The following USP13 variants were observed in gnomAD, a reference collection of about 807,000 sequenced individuals.
USP13 encodes ubiquitin specific peptidase 13.
In USP13, 68 loss-of-function variants were observed where a neutral mutation model predicts 107.8. That is an observed-to-expected ratio of 0.63 (90% confidence interval 0.52 to 0.77). The LOEUF is 0.77. Ranked by LOEUF, USP13 falls within the 30% of genes least tolerant of loss-of-function variation. The pLI, the probability that USP13 is intolerant of heterozygous loss-of-function variation, is 0.00. For missense variants in USP13, 945 were observed against 1,093.3 expected, an observed-to-expected ratio of 0.86 and a Z score of 1.91; for synonymous variants, 377 against 389.5, an observed-to-expected ratio of 0.97 and a Z score of 0.38.
At chr3:179,761,643 A>G (rs964513117) in intron 17 of USP13, among the ~76,000 whole-genome samples, 4 of 152,126 alleles carry the variant, frequency 2.6e-5, no homozygotes, top group African/African-American at 9.7e-5. Context: ...AATCGCTTGA[A>G]CGCAGGAGGC....
At chr3:179,688,173 C>T (rs910152206) in intron 2 of USP13, among the ~76,000 whole-genome samples, 11 of 136,456 alleles carry the variant, frequency 8.1e-5, no homozygotes, top group African/African-American at 2.8e-4. Flanking sequence ...ATCCGTATAT[C>T]CATCCATCCA....
Position 179,653,923 on chromosome 3 carries a change from C to T in USP13, c.168+530C>T, listed in dbSNP as rs1720172611. Among the ~76,000 whole-genome samples, 1 of 152,126 alleles carries T rather than the reference C, an allele frequency of 6.6e-6. No homozygotes were observed. Among genetic ancestry groups the T allele is most frequent in the African/African-American group, 2.4e-5 (1 of 41,450 alleles). ...ACTCCTTTTCTTGTCTTTAGAATGT[C>T]AGGGCCAGGCGCGGTGGCTCACGTC... On this transcript the variant is annotated intron_variant, in intron 1 of 20. Coordinates refer to ENST00000263966, the MANE Select transcript of USP13 (RefSeq NM_003940.3). This position sits in a 1 kb window ranked among gnomAD's most constrained non-coding sequence, Gnocchi z 4.0.
rs1714249827 is a variant in USP13, at chr3:179,742,788, A to C, written c.1534+438A>C. 6.6e-6 allele frequency among the ~76,000 whole-genome samples: 1 copy of C among 152,154 alleles called. No individual in the cohort carries two copies. Among genetic ancestry groups the C allele is most frequent in the South Asian group, 2.1e-4 (1 of 4,822 alleles). On this transcript the variant is annotated intron_variant, in intron 12 of 20. Transcript: ENST00000263966. This position sits in a 1 kb window ranked among gnomAD's most constrained non-coding sequence, Gnocchi z 5.0. Reference sequence around the variant, plus strand: ...AATAATCCAGCTTTGGCACATGAGTATTTGAGCCACCTCTTCTGGGAGATA... The same window carrying C: ...AATAATCCAGCTTTGGCACATGAGTCTTTGAGCCACCTCTTCTGGGAGATA...
chr3:179,656,228 C>T (rs1240493362), intron 1 of USP13, among the ~76,000 whole-genome samples: 4 of 152,184 alleles, frequency 2.6e-5, no homozygotes, highest in African/African-American at 9.7e-5. Context: ...ATACATTTGG[C>T]AAGTAGCAAG....
chr3:179,715,657 C>T (rs1713088807), intron 6 of USP13, among the ~76,000 whole-genome samples: 1 of 152,060 alleles, frequency 6.6e-6, no homozygotes, highest in Non-Finnish European at 1.5e-5. Context: ...GCCACTGTGC[C>T]CGGCCTTGTG....
chr3:179,676,099 T>C (rs1720885045), intron 1 of USP13, among the ~76,000 whole-genome samples: 1 of 152,068 alleles, frequency 6.6e-6, no homozygotes, highest in Admixed American at 6.6e-5. Context: ...ATAAGGAGCT[T>C]TTCCCCCTTT....
chr3:179,788,975 T>C lies in USP13; in HGVS notation c.*4834T>C, dbSNP rs1715985646. 6.6e-6 allele frequency: 1 copy of C among 152,166 alleles called. No homozygotes were observed. Among genetic ancestry groups the C allele is most frequent in the South Asian group, 2.1e-4 (1 of 4,826 alleles). 9.4% of individuals were successfully genotyped at this position (152,166 alleles called of 1,614,324 possible). ...AAAAGCAAATGAGCCCCAAACTGCC[T>C]GTCTTCAGCTTTGCCTGGGAGCTGC... On this transcript the variant is annotated 3_prime_UTR_variant, in exon 21 of 21. Coordinates refer to ENST00000263966, the MANE Select transcript of USP13 (RefSeq NM_003940.3).
intron 6 of USP13, among the ~76,000 whole-genome samples, chr3:179,715,184 G>A (rs535296776): frequency 2.1e-4 from 31 of 147,164 alleles, no homozygotes; most frequent in African/African-American, 7.6e-4. Context: ...GCCTGGTCCT[G>A]TTCTCTCTCT....
At chr3:179,783,950 A>G in intron 20 of USP13, 98 bp from the exon 21 acceptor site, 1 of 923,318 alleles carries the variant, frequency 1.1e-6, no homozygotes, top group Non-Finnish European at 1.7e-6. Context: ...TTAAAACATC[A>G]TGGTTAAGTG....
chr3:179,755,890 A>G (rs1408997250), intron 15 of USP13, among the ~76,000 whole-genome samples: 2 of 152,220 alleles, frequency 1.3e-5, no homozygotes, highest in African/African-American at 4.8e-5. Flanking sequence ...AGAAGGAGCA[A>G]GATAGGATTC....
At chr3:179,687,010 G>A (rs1471639830) in intron 2 of USP13, among the ~76,000 whole-genome samples, 1 of 152,162 alleles carries the variant, frequency 6.6e-6, no homozygotes. Context: ...TTCCTCAGAA[G>A]GATACTTTTC....
rs1048178632 is a variant in USP13 at position 179,675,601 on chromosome 3, G to A, written c.169-6277G>A. Among the ~76,000 whole-genome samples, 17 of 151,746 alleles carry A rather than the reference G, an allele frequency of 1.1e-4. 1 individual carries two copies. The highest frequency in any genetic ancestry group is 2.9e-5 in the Non-Finnish European group (2 of 67,968). On this transcript the variant is annotated intron_variant, in intron 1 of 20. Transcript: ENST00000263966. ...CTCGCTCTGTTGCCCAAGCTGGAGT[G>A]CAGTGGCATGATCTCAGCTCACTGC...
chr3:179,681,444 G>A (rs184659641), intron 1 of USP13, among the ~76,000 whole-genome samples: 12 of 152,236 alleles, frequency 7.9e-5, no homozygotes, highest in African/African-American at 2.9e-4. Flanking sequence ...AAAAGTAATT[G>A]GTTACAAATG....
chr3:179,777,096 G>A (rs932838691), intron 19 of USP13, among the ~76,000 whole-genome samples: 2 of 151,988 alleles, frequency 1.3e-5, no homozygotes, highest in Admixed American at 6.6e-5. Context: ...TGATAAACAT[G>A]GTTAATTTAA....
chr3:179,707,314 C>T (rs1457657876), intron 5 of USP13, among the ~76,000 whole-genome samples: 9 of 102,338 alleles, frequency 8.8e-5, no homozygotes, highest in Admixed American at 4.5e-4. Context: ...GCACTTGCAA[C>T]GCTTTGCATG....
chr3:179,687,260 T>A (rs1279464432), intron 2 of USP13, among the ~76,000 whole-genome samples: 3 of 152,204 alleles, frequency 2.0e-5, no homozygotes, highest in Non-Finnish European at 4.4e-5. Flanking sequence ...GCTTTCCCTC[T>A]GTGTCTTACT....
chr3:179,780,978 T>G (rs1033220645), intron 19 of USP13, among the ~76,000 whole-genome samples: 1 of 152,242 alleles, frequency 6.6e-6, no homozygotes, highest in African/African-American at 2.4e-5. Context: ...TTGTAGTCTG[T>G]AACGGTTTGC....
At chr3:179,750,119 G>T (rs1714542283) in intron 13 of USP13, among the ~76,000 whole-genome samples, 1 of 151,546 alleles carries the variant, frequency 6.6e-6, no homozygotes, top group Non-Finnish European at 1.5e-5. Context: ...ACAAAAATTA[G>T]CTGGGCATGG....
At chr3:179,761,950 A>G (rs371165047) in intron 17 of USP13, among the ~76,000 whole-genome samples, 9 of 152,370 alleles carry the variant, frequency 5.9e-5, no homozygotes, top group African/African-American at 1.9e-4. Flanking sequence ...GCTATAATGC[A>G]TATATTCATC....
Sources: allele counts gnomAD v4.1 joint callset (sites outside exome capture counted in the v4.1 genomes callset), GRCh38; gene constraint gnomAD v4.1.1; non-coding constraint Gnocchi (gnomAD v3.1); transcripts MANE v1.5; gene names NCBI Gene and HGNC (gene_info 2026-07-23, HGNC 2026-07-21).